The following CCNY variants were observed in gnomAD, a reference collection of about 807,000 sequenced individuals.
CCNY encodes cyclin Y, also known as cyclin-Y.
Under a neutral mutation model 42.8 loss-of-function variants are expected in CCNY, and 19 were observed. That is an observed-to-expected ratio of 0.44 (90% CI 0.31 to 0.65). The LOEUF is 0.65. Ranked by LOEUF, CCNY falls within the 30% of genes least tolerant of loss-of-function variation. The pLI, the probability that CCNY is intolerant of heterozygous loss-of-function variation, is 0.07. For synonymous variants in CCNY, 165 were observed against 162.7 expected (o/e 1.01, Z -0.11); for missense variants, 370 against 437.3 (o/e 0.85, Z 1.37).
rs562924119 is a variant in CCNY at position 35,485,319 on chromosome 10, G to A, written c.229+1841G>A. Reference sequence around the variant, plus strand: ...GGCACTTGCTGTCACCAAGAATTCCGTGCTTTTTAAAAACTTTTTGGCCTT... The same window carrying A: ...GGCACTTGCTGTCACCAAGAATTCCATGCTTTTTAAAAACTTTTTGGCCTT... On this transcript the variant is annotated intron_variant, in intron 2 of 9. Transcript: ENST00000374704. Among the ~76,000 whole-genome samples the A allele has an allele frequency of 4.6e-5, 7 of 152,336 alleles. No individual in the cohort carries two copies. The East Asian group carries it at 1.2e-3, about 25-fold the overall frequency.
chr10:35,292,792 T>G (rs1285385592), intron 3 of CCNY, among the ~76,000 whole-genome samples: 1 of 149,392 alleles, frequency 6.7e-6, no homozygotes, highest in Non-Finnish European at 1.5e-5. Context: ...TTTTTTTTTT[T>G]TTTTTTTTTG....
At chr10:35,368,610 C>G (rs572485116) in intron 1 of CCNY, among the ~76,000 whole-genome samples, 8 of 152,300 alleles carry the variant, frequency 5.3e-5, no homozygotes, top group Middle Eastern at 3.4e-3. Context: ...TTGGAGTGCT[C>G]TCCAGAGACA....
At chr10:35,565,304 C>G (rs1049448191) in intron 8 of CCNY, among the ~76,000 whole-genome samples, 3 of 152,126 alleles carry the variant, frequency 2.0e-5, no homozygotes, top group Non-Finnish European at 2.9e-5. Context: ...CTCAGCCTCA[C>G]CATCATCTGG....
intron 1 of CCNY, among the ~76,000 whole-genome samples, chr10:35,344,841 G>A (rs1056219206): frequency 1.2e-4 from 18 of 151,734 alleles, no homozygotes; most frequent in Admixed American, 2.0e-4. Flanking sequence ...TTTTTTGTCC[G>A]TGCGATAGTT....
intron 7 of CCNY, among the ~76,000 whole-genome samples, chr10:35,542,465 G>T (rs926459168): frequency 1.3e-5 from 2 of 151,992 alleles, no homozygotes; most frequent in African/African-American, 4.8e-5. Context: ...TCTGTACTGT[G>T]TATCCTTCGA....
chr10:35,366,863 T>A (rs1836819625), intron 1 of CCNY, among the ~76,000 whole-genome samples: 1 of 152,156 alleles, frequency 6.6e-6, no homozygotes, highest in South Asian at 2.1e-4. Flanking sequence ...AAAGAATAAA[T>A]TTAGATAGCC....
intron 8 of CCNY, among the ~76,000 whole-genome samples, chr10:35,559,845 C>T (rs1001490126): frequency 6.6e-6 from 1 of 152,234 alleles, no homozygotes; most frequent in African/African-American, 2.4e-5. Flanking sequence ...TCCTCCTTGG[C>T]TCCAGGGGGT....
intron 1 of CCNY, among the ~76,000 whole-genome samples, chr10:35,477,006 C>G (rs1199685424): frequency 3.3e-5 from 5 of 152,172 alleles, no homozygotes; most frequent in African/African-American, 1.2e-4. Context: ...ATACTACAAA[C>G]ACCTCTATGC....
Position 35,557,767 on chromosome 10 carries a change from A to T in CCNY, c.746+4582A>T, listed in dbSNP as rs1179382836. Among the ~76,000 whole-genome samples, 5 of 152,350 alleles carry T rather than the reference A, an allele frequency of 3.3e-5. No homozygotes were observed. The South Asian group carries it at 6.2e-4, about 19-fold the overall frequency. On this transcript the variant is annotated intron_variant, in intron 8 of 9. Coordinates refer to ENST00000374704, the MANE Select transcript of CCNY (RefSeq NM_145012.6). ...CAAGACTCCATTTTATATTTAAAAA[A>T]AAGTCAGTATAAATTATTAAATATA...
At position 35,516,840 on chromosome 10, in the gene CCNY, G is replaced by A. The variant is rs1486871338; in HGVS notation, c.365+217G>A. ...AAAATGATTTTGGTAGTTAAGTGTGGGGTATTGAAATATTTTTACATAGTA... is the reference window on the plus strand; with the variant it reads ...AAAATGATTTTGGTAGTTAAGTGTGAGGTATTGAAATATTTTTACATAGTA... On this transcript the variant is annotated intron_variant, in intron 4 of 9. Coordinates refer to ENST00000374704, the MANE Select transcript of CCNY (RefSeq NM_145012.6). Among the ~76,000 whole-genome samples the A allele has an allele frequency of 5.3e-5, 8 of 151,534 alleles. No homozygotes were observed. The East Asian group carries it at 1.5e-3, about 29-fold the overall frequency.
intron 1 of CCNY, among the ~76,000 whole-genome samples, chr10:35,419,015 T>C (rs2135260011): frequency 6.6e-6 from 1 of 152,190 alleles, no homozygotes; most frequent in South Asian, 2.1e-4. Context: ...GAGATGGGGT[T>C]TCACCATGTT....
chr10:35,392,892 A>G (rs914758426), intron 1 of CCNY, among the ~76,000 whole-genome samples: 1 of 151,940 alleles, frequency 6.6e-6, no homozygotes, highest in African/African-American at 2.4e-5. Context: ...CCTCTTTTTG[A>G]CTAGGCCTTT....
chr10:35,252,601 T>C (rs954219677), intron 3 of CCNY, among the ~76,000 whole-genome samples: 2 of 147,074 alleles, frequency 1.4e-5, no homozygotes, highest in African/African-American at 2.5e-5. Flanking sequence ...AATGAGAATA[T>C]CCTTTGCACT....
chr10:35,349,693 A>AG lies in CCNY; in HGVS notation c.154+12493dup, dbSNP rs974546521. On this transcript the variant is annotated intron_variant, in intron 1 of 9. Transcript: ENST00000374704. ...TCTCCCTCCCAGCACTGTTGACATT[A>AG]GGGGGGGCTGCCCTATCCATTGCAG... Among the ~76,000 whole-genome samples, 7 of 152,142 alleles carry AG rather than the reference A, an allele frequency of 4.6e-5. No individual in the cohort carries two copies. In the East Asian group the frequency reaches 5.8e-4, roughly 13 times the overall value.
intron 1 of CCNY, among the ~76,000 whole-genome samples, chr10:35,420,367 C>G (rs985980755): frequency 1.3e-5 from 2 of 152,176 alleles, no homozygotes; most frequent in African/African-American, 4.8e-5. Context: ...CCCTAGAAAC[C>G]AGGCCCACCT....
At chr10:35,280,200 G>A (rs111382721) in intron 3 of CCNY, among the ~76,000 whole-genome samples, 2 of 151,770 alleles carry the variant, frequency 1.3e-5, no homozygotes, top group African/African-American at 4.8e-5. Flanking sequence ...GGTGGTGCAT[G>A]CCTTTAGTCC....
intron 3 of CCNY, among the ~76,000 whole-genome samples, chr10:35,322,906 G>C (rs1413844913): frequency 6.6e-6 from 1 of 152,090 alleles, no homozygotes; most frequent in East Asian, 1.9e-4. Context: ...GATGGTACCA[G>C]GACTTTGGAA....
intron 1 of CCNY, among the ~76,000 whole-genome samples, chr10:35,453,674 C>CTTTAAG (rs1455307370): frequency 9.2e-5 from 14 of 152,170 alleles, no homozygotes; most frequent in Non-Finnish European, 1.9e-4. Context: ...TAAATTACTT[C>CTTTAAG]TTTCAAGTGA....
At chr10:35,499,456 A>G (rs539795184) in intron 2 of CCNY, among the ~76,000 whole-genome samples, 1 of 152,286 alleles carries the variant, frequency 6.6e-6, no homozygotes, top group African/African-American at 2.4e-5. Flanking sequence ...GGAATTCAAG[A>G]TGAGATTTGG....
Sources: gnomAD v4.1 joint callset for allele counts (sites outside exome capture counted in the v4.1 genomes callset) on GRCh38, gnomAD v4.1.1 for gene constraint, MANE v1.5 for transcripts, NCBI Gene and HGNC (gene_info 2026-07-23, HGNC 2026-07-21) for gene names.